Variants in SDK1 observed in about 807,000 individuals in gnomAD.
SDK1 encodes sidekick cell adhesion molecule 1, also known as protein sidekick-1.
Under a neutral mutation model 245.5 loss-of-function variants are expected in SDK1, and 157 were observed. The ratio of observed to expected loss-of-function variants is 0.64; its 90% CI spans 0.56 to 0.73. SDK1 has a LOEUF of 0.73. Among genes scored for constraint, SDK1 ranks in the 30% least tolerant of loss-of-function variants. The pLI, the probability that SDK1 is intolerant of heterozygous loss-of-function variation, is 0.00. For synonymous variants in SDK1, 1,647 were observed against 1,278.5 expected, an observed-to-expected ratio of 1.29 and a Z score of -6.15; for missense variants, 3,583 against 3,002.3, an observed-to-expected ratio of 1.19 and a Z score of -4.52.
chr7:3,536,323 C>T (rs1046347346), intron 1 of SDK1, among the ~76,000 whole-genome samples: 1 of 152,002 alleles, frequency 6.6e-6, no homozygotes, highest in South Asian at 2.1e-4. Context: ...GCCTCAGCCT[C>T]CCAAAGTGTT....
intron 4 of SDK1, among the ~76,000 whole-genome samples, chr7:3,725,518 ATT>A (rs1778981965): frequency 6.6e-6 from 1 of 152,234 alleles, no homozygotes; most frequent in Non-Finnish European, 1.5e-5. Context: ...TTAAGAGAAT[ATT>A]AATGCTATCA....
chr7:4,088,301 TTC>T (rs1162684456), intron 22 of SDK1, among the ~76,000 whole-genome samples: 1 of 152,232 alleles, frequency 6.6e-6, no homozygotes, highest in African/African-American at 2.4e-5. Context: ...ATTTTTTATA[TTC>T]TTTCTTTCTC....
intron 1 of SDK1, among the ~76,000 whole-genome samples, chr7:3,562,066 A>G (rs147443010): frequency 6.6e-6 from 1 of 152,202 alleles, no homozygotes. Context: ...TACATAGTTG[A>G]TCTGGGACAG....
chr7:3,468,065 T>G (rs1781065220), intron 1 of SDK1, among the ~76,000 whole-genome samples: 1 of 152,132 alleles, frequency 6.6e-6, no homozygotes. Context: ...CTCAGTATTT[T>G]AAAATGGAAA....
rs1303550169 is a variant in SDK1, at chr7:4,266,686, T to C, written c.*1302T>C. ...CAGAGATGGCCATGCCTCCAGCCCC[T>C]CACGTCATCTTTGCAACAGACGACT... On this transcript the variant is annotated 3_prime_UTR_variant, in exon 45 of 45. Transcript: ENST00000404826. 1 of 985,362 alleles carries C rather than the reference T, an allele frequency of 1.0e-6. No individual in the cohort carries two copies. The highest frequency in any genetic ancestry group is 1.2e-6 in the Non-Finnish European group (1 of 829,950). 61.0% of individuals were successfully genotyped at this position (985,362 alleles called of 1,614,324 possible).
At chr7:3,346,807 G>GTGTGTATATA (rs796252256) in intron 1 of SDK1, among the ~76,000 whole-genome samples, 3 of 42,252 alleles carry the variant, frequency 7.1e-5, no homozygotes, top group African/African-American at 2.1e-4. Flanking sequence ...GTGTGTGTGT[G>GTGTGTATATA]TATATATATA....
chr7:3,567,325 T>G (rs914252444), intron 1 of SDK1, among the ~76,000 whole-genome samples: 12 of 152,216 alleles, frequency 7.9e-5, no homozygotes, highest in Admixed American at 3.3e-4. Flanking sequence ...TGCAACAGGA[T>G]TAGAAGTACT....
At chr7:3,369,970 G>A (rs1036306067) in intron 1 of SDK1, among the ~76,000 whole-genome samples, 5 of 152,178 alleles carry the variant, frequency 3.3e-5, no homozygotes, top group South Asian at 2.1e-4. Flanking sequence ...GTGGCAGTTC[G>A]TTTCTAACTA....
At chr7:3,913,157 C>G (rs779868986) in intron 5 of SDK1, among the ~76,000 whole-genome samples, 1 of 152,184 alleles carries the variant, frequency 6.6e-6, no homozygotes, top group Non-Finnish European at 1.5e-5. Context: ...TGCCATGAAG[C>G]CTTCAGGGCA....
At chr7:3,669,255 G>C (rs1310918187) in intron 4 of SDK1, among the ~76,000 whole-genome samples, 1 of 152,040 alleles carries the variant, frequency 6.6e-6, no homozygotes, top group Non-Finnish European at 1.5e-5. Flanking sequence ...GAGCAGAGGG[G>C]ATTAAAAACC....
At chr7:4,205,539 A>G (rs1784167207) in intron 35 of SDK1, among the ~76,000 whole-genome samples, 1 of 152,032 alleles carries the variant, frequency 6.6e-6, no homozygotes, top group Non-Finnish European at 1.5e-5. Flanking sequence ...ACGATCTCAT[A>G]CCTTTGGTTT....
intron 5 of SDK1, among the ~76,000 whole-genome samples, chr7:3,879,030 T>G (rs1316753374): frequency 6.6e-6 from 1 of 152,220 alleles, no homozygotes; most frequent in Non-Finnish European, 1.5e-5. Context: ...GACTACAACT[T>G]CTATATCCGA....
chr7:3,305,122 C>G (rs1779383713), intron 1 of SDK1, among the ~76,000 whole-genome samples: 1 of 152,186 alleles, frequency 6.6e-6, no homozygotes, highest in Non-Finnish European at 1.5e-5. Flanking sequence ...TGATTTGAAA[C>G]TCAACAGAGT....
chr7:3,421,895 T>G (rs952420337), intron 1 of SDK1, among the ~76,000 whole-genome samples: 10 of 152,124 alleles, frequency 6.6e-5, no homozygotes, highest in Non-Finnish European at 1.3e-4. Context: ...GTGGGCCAGA[T>G]GCAGTGGCTC....
chr7:3,672,133 T>C (rs1045898044), intron 4 of SDK1, among the ~76,000 whole-genome samples: 3 of 151,980 alleles, frequency 2.0e-5, no homozygotes, highest in African/African-American at 7.3e-5. Context: ...TGGCGGGTCA[T>C]GGTGTGGTGA....
In SDK1 at chr7:3,313,324, T is replaced by C. The variant is rs572694231; in HGVS notation, c.298+11440T>C. Among the ~76,000 whole-genome samples, 3 of 152,316 alleles carry C rather than the reference T, an allele frequency of 2.0e-5. No homozygotes were observed. In the South Asian group the frequency reaches 6.2e-4, roughly 32 times the overall value. On this transcript the variant is annotated intron_variant, in intron 1 of 44. Transcript: ENST00000404826. ...TGGGAGGCTGAAGCAGGACAATTGC[T>C]TGAACCCTGGAGGCGGAGATTGGAG...
intron 5 of SDK1, among the ~76,000 whole-genome samples, chr7:3,880,666 G>A (rs766776468): frequency 7.0e-6 from 1 of 143,326 alleles, no homozygotes; most frequent in Non-Finnish European, 1.5e-5. Context: ...ACTCCCTCCC[G>A]CTCTTACTTG....
At chr7:3,348,700 G>A (rs1780575085) in intron 1 of SDK1, among the ~76,000 whole-genome samples, 1 of 152,062 alleles carries the variant, frequency 6.6e-6, no homozygotes, top group Admixed American at 6.6e-5. Flanking sequence ...TGAAATAAAA[G>A]TTGAAATTGT....
intron 20 of SDK1, among the ~76,000 whole-genome samples, chr7:4,075,865 C>T (rs1244828259): frequency 1.3e-5 from 2 of 152,186 alleles, no homozygotes; most frequent in Admixed American, 1.3e-4. Context: ...GTTGGCCAGG[C>T]TGGTCTCCAA....
Sources: gnomAD v4.1 joint callset for allele counts (sites outside exome capture counted in the v4.1 genomes callset) on GRCh38, gnomAD v4.1.1 for gene constraint, MANE v1.5 for transcripts, NCBI Gene and HGNC (gene_info 2026-07-23, HGNC 2026-07-21) for gene names.